The following IQGAP2 variants were observed in gnomAD, a reference collection of about 807,000 sequenced individuals.
IQGAP2 encodes the protein IQ motif containing GTPase activating protein 2.
Under a neutral mutation model 201.3 loss-of-function variants are expected in IQGAP2, and 173 were observed. The observed-to-expected ratio is 0.86, with a 90% CI of 0.76 to 0.98. The LOEUF is 0.98. Among genes scored for constraint, IQGAP2 ranks in the 50% least tolerant of loss-of-function variants. The probability of loss-of-function intolerance (pLI) is 0.00; values close to 1 mark genes in which losing one functional copy is unlikely to be tolerated. For synonymous variants in IQGAP2, 675 were observed against 673.9 expected, an observed-to-expected ratio of 1.00 and a Z score of -0.03; for missense variants, 1,687 against 1,864.8, an observed-to-expected ratio of 0.90 and a Z score of 1.76.
intron 28 of IQGAP2, among the ~76,000 whole-genome samples, chr5:76,678,825 T>C (rs995669795): frequency 5.9e-5 from 9 of 152,230 alleles, no homozygotes; most frequent in Non-Finnish European, 1.3e-4. Context: ...TATTAAGCTC[T>C]TCTAAGAAAC....
At chr5:76,626,090 C>T (rs1010592291) in intron 13 of IQGAP2, among the ~76,000 whole-genome samples, 10 of 152,084 alleles carry the variant, frequency 6.6e-5, no homozygotes, top group Non-Finnish European at 2.9e-5. Context: ...AATACATTTT[C>T]ATTGCTGCTG....
intron 32 of IQGAP2, among the ~76,000 whole-genome samples, 196 bp downstream of exon 32, chr5:76,695,862 T>C (rs1050461663): frequency 1.7e-5 from 2 of 118,052 alleles, no homozygotes; most frequent in Admixed American, 8.8e-5. Context: ...TTTTTTTGAG[T>C]TGGAGCCTCG....
chr5:76,544,700 G>GCA, intron 2 of IQGAP2, among the ~76,000 whole-genome samples: 1 of 152,072 alleles, frequency 6.6e-6, no homozygotes, highest in East Asian at 1.9e-4. Context: ...ATTTTTTTTG[G>GCA]TCATATATAC....
intron 10 of IQGAP2, among the ~76,000 whole-genome samples, chr5:76,597,853 G>T (rs1747148160): frequency 6.6e-6 from 1 of 152,114 alleles, no homozygotes; most frequent in South Asian, 2.1e-4. Flanking sequence ...GTGAAAATAG[G>T]TTGTTCTTAT....
chr5:76,516,609 A>G (rs1001790180), intron 2 of IQGAP2, among the ~76,000 whole-genome samples: 1 of 152,184 alleles, frequency 6.6e-6, no homozygotes, highest in East Asian at 1.9e-4. Context: ...GTGTTTGAGT[A>G]TGTGCGTGTG....
At chr5:76,611,666 T>A (rs1011695969) in intron 13 of IQGAP2, among the ~76,000 whole-genome samples, 1 of 152,194 alleles carries the variant, frequency 6.6e-6, no homozygotes, top group Non-Finnish European at 1.5e-5. Flanking sequence ...ATACACAGAT[T>A]GATTCACGGA....
At chr5:76,525,041 T>C (rs1434858229) in intron 2 of IQGAP2, among the ~76,000 whole-genome samples, 1 of 152,210 alleles carries the variant, frequency 6.6e-6, no homozygotes, top group Non-Finnish European at 1.5e-5. Context: ...TCTGGTGTGG[T>C]GTTTAAGTAA....
intron 2 of IQGAP2, among the ~76,000 whole-genome samples, chr5:76,520,791 TCCGCCTC>T (rs1366795860): frequency 1.1e-4 from 16 of 143,680 alleles, no homozygotes; most frequent in African/African-American, 4.1e-4. Context: ...CACTGCCGAC[TCCGCCTC>T]CCAGGTTCAA....
In IQGAP2 at chr5:76,556,934, A is replaced by G. The variant is rs115964047; in HGVS notation, c.147-5462A>G. Among the ~76,000 whole-genome samples, 264 of 152,304 alleles carry G rather than the reference A, an allele frequency of 1.7e-3. 1 individual carries two copies. The highest frequency in any genetic ancestry group is 2.9e-3 in the Admixed American group (45 of 15,302). On this transcript the variant is annotated intron_variant, in intron 2 of 35. Coordinates refer to ENST00000274364, the MANE Select transcript of IQGAP2 (RefSeq NM_006633.5). Reference sequence around the variant, plus strand: ...AGCACTACAAGGGGAAACCTGGACCATTTACCCTGCCTGTTGCAAGGTAGG... The same window carrying G: ...AGCACTACAAGGGGAAACCTGGACCGTTTACCCTGCCTGTTGCAAGGTAGG...
rs1746482839 is a variant in IQGAP2, at chr5:76,693,730, G to A, written c.3993+288G>A. 2.0e-5 allele frequency: 5 copies of A among 251,296 alleles called. No homozygotes were observed. In the South Asian group the frequency reaches 4.6e-4, roughly 23 times the overall value. 15.6% of individuals were successfully genotyped at this position (251,296 alleles called of 1,614,324 possible). On this transcript the variant is annotated intron_variant, in intron 31 of 35. Coordinates refer to ENST00000274364, the MANE Select transcript of IQGAP2 (RefSeq NM_006633.5). ...AAAGCCCGGAAATGTTCATCATAATGGGCAAATAAGTCAGTTGAGAGAGTT... is the reference window on the plus strand; with the variant it reads ...AAAGCCCGGAAATGTTCATCATAATAGGCAAATAAGTCAGTTGAGAGAGTT...
In IQGAP2 at chr5:76,623,936, C is replaced by CTTTTTTTTTTTTTTTTTTTTTTTTTT. The variant is rs368076875; in HGVS notation, c.1522-3458_1522-3457insTTTTTTTTTTTTTTTTTTTTTTTTTT. Among the ~76,000 whole-genome samples the CTTTTTTTTTTTTTTTTTTTTTTTTTT allele has an allele frequency of 8.9e-5, 9 of 100,778 alleles. 4 individuals are homozygous for CTTTTTTTTTTTTTTTTTTTTTTTTTT. Among genetic ancestry groups the CTTTTTTTTTTTTTTTTTTTTTTTTTT allele is most frequent in the African/African-American group, 8.0e-5 (2 of 25,096 alleles). The allele number at this position is 100,778 out of a possible 152,430, so 66.1% of individuals were successfully genotyped here. A position where few individuals can be genotyped will look rare whatever the true frequency, so the allele number is the denominator to read the frequency against. ...CGGGTGAGGATGGCGTTTGTTCAGG[C>CTTTTTTTTTTTTTTTTTTTTTTTTTT]TTTTTTTTTTTTTTTTGCCTTATCT... On this transcript the variant is annotated intron_variant, in intron 13 of 35. Coordinates refer to ENST00000274364, the MANE Select transcript of IQGAP2 (RefSeq NM_006633.5).
intron 21 of IQGAP2, among the ~76,000 whole-genome samples, chr5:76,661,108 C>T (rs1743210487): frequency 6.6e-6 from 1 of 152,082 alleles, no homozygotes; most frequent in African/African-American, 2.4e-5. Flanking sequence ...CTCCCCACAC[C>T]TTTTTATTTT....
intron 30 of IQGAP2, chr5:76,691,464 T>G (rs1177938402): frequency 6.6e-6 from 1 of 152,248 alleles, no homozygotes; most frequent in Non-Finnish European, 1.5e-5. Context: ...AAAGCTTTTA[T>G]TTTTAACTCA....
intron 1 of IQGAP2, among the ~76,000 whole-genome samples, chr5:76,416,810 G>A (rs918329013): frequency 4.6e-5 from 7 of 151,872 alleles, no homozygotes; most frequent in Non-Finnish European, 1.0e-4. Context: ...ACAGGTGTGA[G>A]CCAACACACC....
At chr5:76,464,116 G>A (rs1203927613) in intron 2 of IQGAP2, among the ~76,000 whole-genome samples, 1 of 152,094 alleles carries the variant, frequency 6.6e-6, no homozygotes, top group Non-Finnish European at 1.5e-5. Context: ...CAAAGTGCTG[G>A]GATGACAGGC....
At chr5:76,419,936 A>G (rs1051916951) in intron 1 of IQGAP2, among the ~76,000 whole-genome samples, 7 of 152,148 alleles carry the variant, frequency 4.6e-5, no homozygotes, top group Admixed American at 3.3e-4. Context: ...ATTCCACACT[A>G]TGATTTCCCC....
intron 2 of IQGAP2, among the ~76,000 whole-genome samples, chr5:76,548,110 C>A (rs1327063251): frequency 6.6e-6 from 1 of 152,202 alleles, no homozygotes; most frequent in African/African-American, 2.4e-5. Flanking sequence ...TCACATTTAG[C>A]ATCTGTTTTC....
At chr5:76,502,892 CA>C (rs1177761300) in intron 2 of IQGAP2, among the ~76,000 whole-genome samples, 3 of 149,942 alleles carry the variant, frequency 2.0e-5, no homozygotes, top group African/African-American at 7.4e-5. Context: ...TGCACCACCA[CA>C]GCTGGCTATT....
intron 27 of IQGAP2, among the ~76,000 whole-genome samples, chr5:76,676,833 C>CT (rs958226931): frequency 3.9e-5 from 6 of 152,082 alleles, no homozygotes; most frequent in Non-Finnish European, 8.8e-5. Flanking sequence ...TGACTAATTG[C>CT]TTTTTTTTCT....
Sources: allele counts gnomAD v4.1 joint callset (sites outside exome capture counted in the v4.1 genomes callset), GRCh38; gene constraint gnomAD v4.1.1; transcripts MANE v1.5; gene names NCBI Gene and HGNC (gene_info 2026-07-23, HGNC 2026-07-21).